The following KIF1B variants were observed in gnomAD, a reference collection of about 807,000 sequenced individuals.
The protein encoded by KIF1B is kinesin family member 1B.
In KIF1B, 76 loss-of-function variants were observed where a neutral mutation model predicts 241.9. The observed-to-expected ratio is 0.31, with a 90% CI of 0.26 to 0.38. The LOEUF is 0.38. Ranked by LOEUF, KIF1B falls within the 10% of genes least tolerant of loss-of-function variation. KIF1B has a pLI of 1.00. For synonymous variants in KIF1B, 750 were observed against 796.7 expected (o/e 0.94, Z 0.99); for missense variants, 1,622 against 2,271.4 (o/e 0.71, Z 5.81).
chr1:10,295,043 C>A, intron 17 of KIF1B, 43 bp from the exon 18 acceptor site: 1 of 1,304,512 alleles, frequency 7.7e-7, no homozygotes, highest in Non-Finnish European at 1.1e-6. Flanking sequence ...ACAGCTCTCT[C>A]ATGGTGCCCT....
chr1:10,331,160 A>AG (rs1375945607), intron 27 of KIF1B, among the ~76,000 whole-genome samples: 1 of 151,924 alleles, frequency 6.6e-6, no homozygotes, highest in Non-Finnish European at 1.5e-5. Flanking sequence ...GACTCCAGGC[A>AG]GGGGACATGT....
chr1:10,339,881 G>A (rs1652324022), intron 32 of KIF1B, 22 bp downstream of exon 32: 3 of 1,598,188 alleles, frequency 1.9e-6, no homozygotes, highest in Admixed American at 1.7e-5. Context: ...GGACCTTTTT[G>A]CCAAACATAT....
intron 2 of KIF1B, among the ~76,000 whole-genome samples, chr1:10,237,919 G>GT (rs1647079182): frequency 6.6e-6 from 1 of 152,096 alleles, no homozygotes; most frequent in Non-Finnish European, 1.5e-5. Flanking sequence ...TGAGGTGGGA[G>GT]TATCACTTGA....
chr1:10,247,680 A>G (rs1177846601), intron 2 of KIF1B, among the ~76,000 whole-genome samples: 1 of 152,254 alleles, frequency 6.6e-6, no homozygotes, highest in African/African-American at 2.4e-5. Context: ...TAAGAAAATT[A>G]AAAATTAAGG....
At chr1:10,222,621 C>T (rs1277748623) in intron 1 of KIF1B, among the ~76,000 whole-genome samples, 7 of 152,022 alleles carry the variant, frequency 4.6e-5, no homozygotes, top group Admixed American at 2.6e-4. Context: ...CCTTATAATC[C>T]GAAGTGCCTT....
chr1:10,231,558 T>C (rs1182634566), intron 1 of KIF1B, among the ~76,000 whole-genome samples: 2 of 151,444 alleles, frequency 1.3e-5, no homozygotes, highest in African/African-American at 2.4e-5. Context: ...GGCTAATTTT[T>C]GTATTTTTAG....
Position 10,339,796 on chromosome 1 carries a change from C to A in KIF1B, c.3450C>A (p.Phe1150Leu). 1 of 1,614,012 alleles carries A rather than the reference C, an allele frequency of 6.2e-7. No homozygotes were observed. The highest frequency in any genetic ancestry group is 8.5e-7 in the Non-Finnish European group (1 of 1,179,960). Residue 1150 changes from phenylalanine (F) to leucine (L), a missense_variant, in exon 32 of 49, where the codon TTC (phenylalanine) becomes TTA (leucine). Transcript: ENST00000676179. The stretch of plus-strand genomic sequence containing the variant: ...TTTTGCATCGCCATGATGAAGCATT[C>A]TCCACGGAGCCCCTCAAAAACAATG... ...FNFLHRHDEAFSTEPLKNNGR... is the reference protein window; with the variant it reads ...FNFLHRHDEALSTEPLKNNGR...
intron 24 of KIF1B, among the ~76,000 whole-genome samples, chr1:10,322,521 C>T (rs1651563723): frequency 6.6e-6 from 1 of 152,302 alleles, no homozygotes; most frequent in East Asian, 1.9e-4. Flanking sequence ...CACACCAAAC[C>T]TTAGATTCAG....
chr1:10,261,681 TA>T (rs1480514031), intron 4 of KIF1B, among the ~76,000 whole-genome samples: 1 of 152,214 alleles, frequency 6.6e-6, no homozygotes, highest in Non-Finnish European at 1.5e-5. Flanking sequence ...CTTATAATCT[TA>T]TGGGGATCAC....
Position 10,323,724 on chromosome 1 carries a change from A to G in KIF1B, c.2359-160A>G, listed in dbSNP as rs575148508. ...TAATTTGAAGTTAGGGTTATTCCCT[A>G]TGACTGCTAACAGGTGGCCATATTT... On this transcript the variant is annotated intron_variant, in intron 24 of 48. Coordinates refer to ENST00000676179, the MANE Select transcript of KIF1B (RefSeq NM_001365951.3). Among the ~76,000 whole-genome samples the G allele has an allele frequency of 3.3e-5, 5 of 152,372 alleles. No individual in the cohort carries two copies. The South Asian group carries it at 1.0e-3, about 32-fold the overall frequency.
At chr1:10,298,988 T>C (rs1468619675) in intron 22 of KIF1B, 1 of 149,494 alleles carries the variant, frequency 6.7e-6, no homozygotes, top group Non-Finnish European at 1.5e-5. Flanking sequence ...GCAGCACATA[T>C]ACTAAAATTG....
chr1:10,276,241 A>C, intron 11 of KIF1B, 80 bp from the exon 12 acceptor site: 1 of 915,002 alleles, frequency 1.1e-6, no homozygotes, highest in South Asian at 1.4e-5. Context: ...ATCTGAGATT[A>C]CAATATCAGA....
Position 10,332,579 on chromosome 1 carries a change from G to A in KIF1B, c.2925-1941G>A, listed in dbSNP as rs1201335942. 8.1e-5 allele frequency among the ~76,000 whole-genome samples: 10 copies of A among 123,124 alleles called. No individual in the cohort carries two copies. The South Asian group carries it at 8.6e-4, about 11-fold the overall frequency. The allele number at this position is 123,124 out of a possible 152,430, so 80.8% of individuals were successfully genotyped here. A position where few individuals can be genotyped will look rare whatever the true frequency, so the allele number is the denominator to read the frequency against. ...CGCCCAGGCTGGAGTGCAGTGGCGC[G>A]ATCTCGGCTCACTGCAAGCTCCGCC... On this transcript the variant is annotated intron_variant, in intron 27 of 48. Coordinates refer to ENST00000676179, the MANE Select transcript of KIF1B (RefSeq NM_001365951.3).
chr1:10,353,083 A>G (rs1238261551), intron 38 of KIF1B, among the ~76,000 whole-genome samples: 1 of 152,184 alleles, frequency 6.6e-6, no homozygotes, highest in Non-Finnish European at 1.5e-5. Context: ...TATTGCCAAG[A>G]TTAAATTTTT....
rs1198896756 is a variant in KIF1B at position 10,325,013 on chromosome 1, T to C, written c.2675+118T>C. On this transcript the variant is annotated intron_variant, in intron 26 of 48. Coordinates refer to ENST00000676179, the MANE Select transcript of KIF1B (RefSeq NM_001365951.3). Reference sequence around the variant, plus strand: ...AAAAAAAAGGTGTAAAAAGGCCTTATCTATAATCTTATCCACTCACAACCA... The same window carrying C: ...AAAAAAAAGGTGTAAAAAGGCCTTACCTATAATCTTATCCACTCACAACCA... 35 of 1,109,494 alleles carry C rather than the reference T, an allele frequency of 3.2e-5. No individual in the cohort carries two copies. In the Admixed American group the frequency reaches 5.3e-4, roughly 17 times the overall value. 68.7% of individuals were successfully genotyped at this position (1,109,494 alleles called of 1,614,324 possible). A position where few individuals can be genotyped will look rare whatever the true frequency, so the allele number is the denominator to read the frequency against.
At chr1:10,332,834 CAG>C (rs1652006000) in intron 27 of KIF1B, among the ~76,000 whole-genome samples, 2 of 127,914 alleles carry the variant, frequency 1.6e-5, no homozygotes, top group Admixed American at 1.7e-4. Flanking sequence ...TTTTTTGAGA[CAG>C]AGTCTCACCC....
At chr1:10,216,170 C>G (rs1021622474) in intron 1 of KIF1B, among the ~76,000 whole-genome samples, 2 of 152,140 alleles carry the variant, frequency 1.3e-5, no homozygotes, top group Non-Finnish European at 2.9e-5. Flanking sequence ...GCTGAGTTTC[C>G]TTTGTAACTA....
At chr1:10,327,890 A>G (rs1052381347) in intron 27 of KIF1B, among the ~76,000 whole-genome samples, 1 of 152,216 alleles carries the variant, frequency 6.6e-6, no homozygotes, top group Non-Finnish European at 1.5e-5. Flanking sequence ...GAGTCTCCTG[A>G]CCTAGTAGAG....
chr1:10,320,193 A>C, intron 23 of KIF1B, 57 bp downstream of exon 23: 1 of 1,210,430 alleles, frequency 8.3e-7, no homozygotes, highest in Non-Finnish European at 1.2e-6. Context: ...TATATTATCA[A>C]ATTAGTCATT....
Sources: gnomAD v4.1 joint callset for allele counts (sites outside exome capture counted in the v4.1 genomes callset) on GRCh38, gnomAD v4.1.1 for gene constraint, MANE v1.5 for transcripts, NCBI Gene and HGNC (gene_info 2026-07-23, HGNC 2026-07-21) for gene names.